The following DDHD1 variants were observed in gnomAD, a reference collection of about 807,000 sequenced individuals.
DDHD1 encodes DDHD domain containing 1, also known as phospholipase DDHD1.
DDHD1 carries 49 observed loss-of-function variants against 96.4 expected under a neutral mutation model. The ratio of observed to expected loss-of-function variants is 0.51; its 90% CI spans 0.40 to 0.64. The LOEUF (loss-of-function observed/expected upper bound fraction) is 0.64. Ranked by LOEUF, DDHD1 falls within the 30% of genes least tolerant of loss-of-function variation. The pLI is 0.00. For missense variants in DDHD1, 1,106 were observed against 1,161.2 expected, an observed-to-expected ratio of 0.95 and a Z score of 0.69; for synonymous variants, 442 against 446.5, an observed-to-expected ratio of 0.99 and a Z score of 0.13.
At chr14:53,103,157 C>T (rs1887436776) in intron 2 of DDHD1, 2 of 1,143,370 alleles carry the variant, frequency 1.7e-6, no homozygotes, top group Admixed American at 2.4e-5. Flanking sequence ...AGCTACTATA[C>T]AGTATTTTGA....
chr14:53,106,746 C>T (rs1887715002), intron 1 of DDHD1, among the ~76,000 whole-genome samples: 1 of 152,162 alleles, frequency 6.6e-6, no homozygotes, highest in South Asian at 2.1e-4. Flanking sequence ...GGAAAAAAGT[C>T]TTTAAAATCT....
intron 1 of DDHD1, among the ~76,000 whole-genome samples, chr14:53,122,081 C>T (rs1889039395): frequency 6.6e-6 from 1 of 152,146 alleles, no homozygotes; most frequent in Non-Finnish European, 1.5e-5. Context: ...CAGTAGATGA[C>T]ACTTGAAGGA....
chr14:53,077,982 T>C (rs78037558), intron 4 of DDHD1, among the ~76,000 whole-genome samples: 1 of 152,310 alleles, frequency 6.6e-6, no homozygotes, highest in Non-Finnish European at 1.5e-5. Flanking sequence ...CATTGTTGAA[T>C]AGTATTTCAT....
chr14:53,074,600 T>A (rs1223334740), intron 4 of DDHD1, among the ~76,000 whole-genome samples: 2 of 151,858 alleles, frequency 1.3e-5, no homozygotes, highest in Admixed American at 6.6e-5. Context: ...TAAAATATTA[T>A]TTTAAATTAT....
chr14:53,108,604 G>C (rs1393866915), intron 1 of DDHD1, among the ~76,000 whole-genome samples: 1 of 152,140 alleles, frequency 6.6e-6, no homozygotes, highest in Non-Finnish European at 1.5e-5. Context: ...CTTATTTCTG[G>C]AATTTTCCAT....
At chr14:53,081,115 T>C (rs187463356) in intron 4 of DDHD1, among the ~76,000 whole-genome samples, 93 of 152,312 alleles carry the variant, frequency 6.1e-4, no homozygotes, top group African/African-American at 2.1e-3. Flanking sequence ...AGATTCTACT[T>C]TGCCAAAATA....
chr14:53,064,257 T>C (rs974063472), intron 6 of DDHD1, among the ~76,000 whole-genome samples: 2 of 152,236 alleles, frequency 1.3e-5, no homozygotes, highest in African/African-American at 4.8e-5. Flanking sequence ...AGAAGGCTAA[T>C]GTTTAGATAA....
At position 53,043,520 on chromosome 14, in the gene DDHD1, G is replaced by A. The variant is rs1158281107; in HGVS notation, c.*3248C>T. ...TGGCTCACTGAAGCCTTGACCTCCC[G>A]GAATCATGCAGTCCTACCGACCTCA... On this transcript the variant is annotated 3_prime_UTR_variant, in exon 13 of 13. Coordinates refer to ENST00000673822, the MANE Select transcript of DDHD1 (RefSeq NM_001160148.2). The A allele has an allele frequency of 3.3e-5, 5 of 151,944 alleles. No homozygotes were observed. Among genetic ancestry groups the A allele is most frequent in the African/African-American group, 7.3e-5 (3 of 41,336 alleles). 9.4% of individuals were successfully genotyped at this position (151,944 alleles called of 1,614,324 possible). A position where few individuals can be genotyped will look rare whatever the true frequency, so the allele number is the denominator to read the frequency against.
At chr14:53,099,647 A>C (rs1887151107) in intron 2 of DDHD1, among the ~76,000 whole-genome samples, 1 of 152,216 alleles carries the variant, frequency 6.6e-6, no homozygotes, top group Non-Finnish European at 1.5e-5. Flanking sequence ...AAATGAGTGA[A>C]ACACTAATCC....
chr14:53,068,788 TTTGTGGG>T (rs1431939356), intron 6 of DDHD1, among the ~76,000 whole-genome samples: 59 of 152,264 alleles, frequency 3.9e-4, no homozygotes, highest in Admixed American at 2.9e-3. Context: ...GAATTATCAG[TTTGTGGG>T]GATATACTTT....
In DDHD1 at chr14:53,058,488, T is replaced by C; in HGVS notation, c.1981A>G (p.Thr661Ala). ...CNRLLNIFHP[T>A]DPVAYRLEPL... Reference sequence around the variant, plus strand: ...ATATTGCAACTCACCACTGGATCTGTAGGATGAAAAATATTTAGTAACCGG... The same window carrying C: ...ATATTGCAACTCACCACTGGATCTGCAGGATGAAAAATATTTAGTAACCGG... The change falls in exon 9 of 13, where the codon ACA becomes GCA. Residue 661 changes from threonine (T) to alanine (A), a missense_variant. Coordinates refer to ENST00000673822, the MANE Select transcript of DDHD1 (RefSeq NM_001160148.2). The C allele has an allele frequency of 6.2e-7, 1 of 1,610,994 alleles. No individual in the cohort carries two copies. Among genetic ancestry groups the C allele is most frequent in the Non-Finnish European group, 8.5e-7 (1 of 1,179,188 alleles).
At chr14:53,048,079 T>G (rs1425540747) in intron 12 of DDHD1, among the ~76,000 whole-genome samples, 1 of 152,182 alleles carries the variant, frequency 6.6e-6, no homozygotes, top group Non-Finnish European at 1.5e-5. Flanking sequence ...ATCATAATAC[T>G]CTAGGGAAAT....
chr14:53,111,037 G>T (rs950295631), intron 1 of DDHD1, among the ~76,000 whole-genome samples: 3 of 152,186 alleles, frequency 2.0e-5, no homozygotes, highest in Admixed American at 6.5e-5. Context: ...AGGAAGAACG[G>T]TCTTTATTGA....
rs1254950168 is a variant in DDHD1, at chr14:53,037,617, T to C, written c.*9151A>G. 1 of 152,164 alleles carries C rather than the reference T, an allele frequency of 6.6e-6. No individual in the cohort carries two copies. The highest frequency in any genetic ancestry group is 2.4e-5 in the African/African-American group (1 of 41,442). 9.4% of individuals were successfully genotyped at this position (152,164 alleles called of 1,614,324 possible). A position where few individuals can be genotyped will look rare whatever the true frequency, so the allele number is the denominator to read the frequency against. Reference sequence around the variant, plus strand: ...TGTTTTTTGCTTGTTAAGTTCCTTATTGATTCTGGATGTCAGATCTTTGTT... The same window carrying C: ...TGTTTTTTGCTTGTTAAGTTCCTTACTGATTCTGGATGTCAGATCTTTGTT... On this transcript the variant is annotated 3_prime_UTR_variant, in exon 13 of 13. Coordinates refer to ENST00000673822, the MANE Select transcript of DDHD1 (RefSeq NM_001160148.2).
chr14:53,084,947 G>C (rs567065425), intron 4 of DDHD1, among the ~76,000 whole-genome samples: 1 of 152,360 alleles, frequency 6.6e-6, no homozygotes, highest in South Asian at 2.1e-4. Context: ...CCAATGGTCT[G>C]AGCAAATGTC....
In DDHD1 at chr14:53,046,739, T is replaced by C. The variant is rs1254010355; in HGVS notation, c.*29A>G. 6.8e-7 allele frequency: 1 copy of C among 1,474,778 alleles called. No homozygotes were observed. The highest frequency in any genetic ancestry group is 2.5e-5 in the East Asian group (1 of 40,244). 91.4% of individuals were successfully genotyped at this position (1,474,778 alleles called of 1,614,324 possible). On this transcript the variant is annotated 3_prime_UTR_variant, in exon 13 of 13. Transcript: ENST00000673822. ...TTTAACGGAAAAAAAAAAAATCAGT[T>C]TTAGGCCATTCATGTCCTTCAAGAG...
chr14:53,152,418 T>A lies in DDHD1; in HGVS notation c.681A>T (p.Glu227Asp). The A allele has an allele frequency of 6.2e-7, 1 of 1,613,834 alleles. No homozygotes were observed. The highest frequency in any genetic ancestry group is 8.5e-7 in the Non-Finnish European group (1 of 1,179,952). Residue 227 changes from glutamate to aspartate, a missense_variant, in exon 1 of 13, where the codon GAA becomes GAT. This residue lies in a region of DDHD1 where 456 missense variants were observed against 402.4 expected (regional missense o/e 1.13). Coordinates refer to ENST00000673822, the MANE Select transcript of DDHD1 (RefSeq NM_001160148.2). ...SPTGPASSSG[E>D]DDDEDRACGF... ...CGCAGGCGCGGTCCTCATCGTCATC[T>A]TCTCCGGAACTGGAGGCTGGGCCCG...
intron 4 of DDHD1, among the ~76,000 whole-genome samples, chr14:53,082,049 T>A (rs986853472): frequency 6.6e-6 from 1 of 152,182 alleles, no homozygotes; most frequent in Non-Finnish European, 1.5e-5. Context: ...TAAGAACTAC[T>A]GAGACCAATG....
rs751421471 is a variant in DDHD1, at chr14:53,060,148, A to T, written c.1842+978T>A. ...GTGAGAAAAGAAACACATTTCAAGA[A>T]GAGGTAATACAGTATACTAGACATG... On this transcript the variant is annotated intron_variant, in intron 8 of 12. Coordinates refer to ENST00000673822, the MANE Select transcript of DDHD1 (RefSeq NM_001160148.2). Among the ~76,000 whole-genome samples, 47 of 152,242 alleles carry T rather than the reference A, an allele frequency of 3.1e-4. 1 individual carries two copies. Among genetic ancestry groups the T allele is most frequent in the Non-Finnish European group, 5.3e-4 (36 of 68,040 alleles).
Sources: allele counts gnomAD v4.1 joint callset (sites outside exome capture counted in the v4.1 genomes callset), GRCh38; gene constraint gnomAD v4.1.1; regional missense constraint gnomAD v4.1.1; transcripts MANE v1.5; gene names NCBI Gene and HGNC (gene_info 2026-07-23, HGNC 2026-07-21).